PTPRG: variants seen among roughly 807,000 people sequenced by gnomAD.
PTPRG encodes protein tyrosine phosphatase receptor type G.
PTPRG carries 102 observed loss-of-function variants against 165.3 expected under a neutral mutation model. The observed-to-expected ratio is 0.62, with a 90% CI of 0.53 to 0.73. PTPRG has a LOEUF of 0.73. PTPRG is among the 30% of genes least tolerant of loss of function. PTPRG has a pLI of 0.00. For synonymous variants in PTPRG, 675 were observed against 669.5 expected (o/e 1.01, Z -0.13); for missense variants, 1,866 against 1,861.4 (o/e 1.00, Z -0.05).
At chr3:61,690,039 C>T (rs2030086952) in intron 1 of PTPRG, among the ~76,000 whole-genome samples, 1 of 152,208 alleles carries the variant, frequency 6.6e-6, no homozygotes, top group Non-Finnish European at 1.5e-5. Flanking sequence ...TAACAAGTCT[C>T]ATTGTTTTTC....
intron 2 of PTPRG, among the ~76,000 whole-genome samples, chr3:61,912,438 T>C (rs1184530064): frequency 6.6e-6 from 1 of 152,196 alleles, no homozygotes. Context: ...TCATTTAGAA[T>C]TAGGCTTTGC....
chr3:61,606,946 C>T (rs560791901), intron 1 of PTPRG, among the ~76,000 whole-genome samples: 3 of 152,334 alleles, frequency 2.0e-5, no homozygotes, highest in East Asian at 1.9e-4. Flanking sequence ...ATTTGGGTCA[C>T]GTTCAGCTGG....
At chr3:62,114,292 T>C (rs950647698) in intron 5 of PTPRG, among the ~76,000 whole-genome samples, 4 of 152,094 alleles carry the variant, frequency 2.6e-5, no homozygotes, top group Non-Finnish European at 4.4e-5. Context: ...GAGTGAGACT[T>C]TGTCTCAAAC....
chr3:62,273,668 T>C lies in PTPRG; in HGVS notation c.3319-30T>C, dbSNP rs1186246036. On this transcript the variant is annotated intron_variant, in intron 22 of 29. Coordinates refer to ENST00000474889, the MANE Select transcript of PTPRG (RefSeq NM_002841.4). The surrounding 1 kb of genome is among the most constrained non-coding windows in gnomAD (Gnocchi z 4.1). The stretch of plus-strand genomic sequence containing the variant: ...TGAGTGGCTAACCCTTAACACTCCC[T>C]CAGTGACTACCATGTATTGTACCTC... 6.2e-7 allele frequency: 1 copy of C among 1,610,058 alleles called. No homozygotes were observed.
At chr3:61,836,539 C>A (rs755131744) in intron 2 of PTPRG, among the ~76,000 whole-genome samples, 6 of 152,162 alleles carry the variant, frequency 3.9e-5, no homozygotes, top group Non-Finnish European at 7.3e-5. Context: ...TACTACCTTC[C>A]GGGTACTTTG....
At chr3:61,648,395 C>T (rs558472066) in intron 1 of PTPRG, among the ~76,000 whole-genome samples, 6 of 152,206 alleles carry the variant, frequency 3.9e-5, no homozygotes, top group Non-Finnish European at 8.8e-5. Context: ...CACATAGGCA[C>T]CAAGGATCCA....
chr3:61,600,173 A>AATAT (rs1218233993), intron 1 of PTPRG, among the ~76,000 whole-genome samples: 4 of 123,484 alleles, frequency 3.2e-5, no homozygotes, highest in African/African-American at 1.2e-4. Flanking sequence ...AAAAAAAAAA[A>AATAT]ATATATATAT....
intron 2 of PTPRG, among the ~76,000 whole-genome samples, chr3:61,922,291 G>A (rs2366461): frequency 0.69 from 104,863 of 152,234 alleles, 36,680 homozygotes; most frequent in African/African-American, 0.81. Context: ...ACTTAGAAAG[G>A]TCGTTTAGTC....
intron 2 of PTPRG, among the ~76,000 whole-genome samples, chr3:61,907,191 TATG>T: frequency 6.6e-6 from 1 of 152,088 alleles, no homozygotes; most frequent in East Asian, 1.9e-4. Flanking sequence ...TATTATAGAA[TATG>T]ATAACTACTG....
intron 2 of PTPRG, among the ~76,000 whole-genome samples, chr3:61,944,581 A>C (rs1380119036): frequency 2.0e-5 from 3 of 152,206 alleles, no homozygotes; most frequent in Admixed American, 6.5e-5. Context: ...AGGGCCAGAC[A>C]GCCTCGCGCT....
chr3:62,044,309 C>T (rs1035173554), intron 4 of PTPRG, among the ~76,000 whole-genome samples: 4 of 152,270 alleles, frequency 2.6e-5, no homozygotes, highest in East Asian at 1.9e-4. Context: ...GAGGCTGAGG[C>T]GGGCGGATCA....
At chr3:62,000,053 G>A (rs137959557) in intron 3 of PTPRG, among the ~76,000 whole-genome samples, 2 of 151,948 alleles carry the variant, frequency 1.3e-5, no homozygotes, top group Non-Finnish European at 2.9e-5. Context: ...GTGTAATCTC[G>A]ACACTTTGGG....
At chr3:61,770,053 A>T (rs1023075283) in intron 2 of PTPRG, 2 of 152,184 alleles carry the variant, frequency 1.3e-5, no homozygotes, top group Non-Finnish European at 2.9e-5. Flanking sequence ...CCAATTCCAG[A>T]AGTTTCCTTA....
chr3:61,789,255 A>G (rs1432249285), intron 2 of PTPRG, among the ~76,000 whole-genome samples: 2 of 152,006 alleles, frequency 1.3e-5, no homozygotes, highest in African/African-American at 4.8e-5. Flanking sequence ...GCATGCCACA[A>G]TGCCTGGCTC....
At chr3:61,937,808 T>A (rs556365776) in intron 2 of PTPRG, among the ~76,000 whole-genome samples, 1 of 152,368 alleles carries the variant, frequency 6.6e-6, no homozygotes, top group South Asian at 2.1e-4. Flanking sequence ...TTTATTAACG[T>A]CTTTTGAGTA....
At chr3:61,873,207 GC>G (rs2037630608) in intron 2 of PTPRG, among the ~76,000 whole-genome samples, 1 of 152,162 alleles carries the variant, frequency 6.6e-6, no homozygotes, top group South Asian at 2.1e-4. Context: ...ATTTGTAACA[GC>G]AGTTTGTAAG....
At position 62,224,938 on chromosome 3, in the gene PTPRG, T is replaced by C. The variant is rs1371274095; in HGVS notation, c.2288+5955T>C. On this transcript the variant is annotated intron_variant, in intron 13 of 29. Transcript: ENST00000474889. The surrounding 1 kb of genome is among the most constrained non-coding windows in gnomAD (Gnocchi z 4.9). ...AAGTTGCTATAAAACTAGGAAGAAATGTAAGCAAAGTGATTTTGGACAAGG... is the reference window on the plus strand; with the variant it reads ...AAGTTGCTATAAAACTAGGAAGAAACGTAAGCAAAGTGATTTTGGACAAGG... Among the ~76,000 whole-genome samples the C allele has an allele frequency of 1.3e-5, 2 of 152,124 alleles. No homozygotes were observed. Among genetic ancestry groups the C allele is most frequent in the Non-Finnish European group, 1.5e-5 (1 of 68,014 alleles).
intron 5 of PTPRG, among the ~76,000 whole-genome samples, chr3:62,078,685 A>G (rs1008916909): frequency 6.6e-6 from 1 of 152,162 alleles, no homozygotes; most frequent in Admixed American, 6.5e-5. Context: ...TTTCCCTCTC[A>G]GAAATCCCCA....
At chr3:61,719,789 G>A (rs1171536442) in intron 1 of PTPRG, among the ~76,000 whole-genome samples, 1 of 152,072 alleles carries the variant, frequency 6.6e-6, no homozygotes, top group African/African-American at 2.4e-5. Flanking sequence ...CTGCTCTAGC[G>A]ACCCTGGACT....
Sources: allele counts gnomAD v4.1 joint callset (sites outside exome capture counted in the v4.1 genomes callset), GRCh38; gene constraint gnomAD v4.1.1; non-coding constraint Gnocchi (gnomAD v3.1); transcripts MANE v1.5; gene names NCBI Gene and HGNC (gene_info 2026-07-23, HGNC 2026-07-21).